TMEM117: variants seen among roughly 807,000 people sequenced by gnomAD.
TMEM117 encodes the protein transmembrane protein 117.
TMEM117 carries 27 observed loss-of-function variants against 52.4 expected under a neutral mutation model. The ratio of observed to expected loss-of-function variants is 0.51; its 90% CI spans 0.38 to 0.71. The LOEUF (loss-of-function observed/expected upper bound fraction) is 0.71. Ranked by LOEUF, TMEM117 falls within the 30% of genes least tolerant of loss-of-function variation. The probability of loss-of-function intolerance (pLI) is 0.00; values close to 1 mark genes in which losing one functional copy is unlikely to be tolerated. For missense variants in TMEM117, 556 were observed against 630.5 expected (o/e 0.88, Z 1.26); for synonymous variants, 215 against 206.3 (o/e 1.04, Z -0.36).
chr12:43,935,406 A>G (rs1944935368), intron 2 of TMEM117, among the ~76,000 whole-genome samples: 3 of 152,230 alleles, frequency 2.0e-5, no homozygotes, highest in Admixed American at 1.3e-4. Context: ...TCTTCCAGCC[A>G]TAAGAAATAG....
the TMEM117 span, among the ~76,000 whole-genome samples, chr12:43,817,586 C>G: frequency 6.6e-6 from 1 of 152,136 alleles, no homozygotes; most frequent in Non-Finnish European, 1.5e-5. Context: ...GGAACTACAT[C>G]ATTCCTTTGA....
intron 6 of TMEM117, among the ~76,000 whole-genome samples, chr12:44,344,627 A>G (rs947206425): frequency 6.6e-6 from 1 of 152,072 alleles, no homozygotes; most frequent in African/African-American, 2.4e-5. Flanking sequence ...GGGTGGAGAT[A>G]CTATTTGGGA....
downstream of TMEM117, among the ~76,000 whole-genome samples, chr12:44,392,392 A>G (rs1384794683): frequency 2.0e-5 from 3 of 152,176 alleles, no homozygotes; most frequent in East Asian, 5.8e-4. Context: ...GAACTTTACC[A>G]TAAAATTCTC....
intron 2 of TMEM117, among the ~76,000 whole-genome samples, chr12:43,932,581 A>G (rs1375424983): frequency 6.6e-6 from 1 of 152,182 alleles, no homozygotes; most frequent in East Asian, 1.9e-4. Flanking sequence ...CTCTGCCTTC[A>G]AACTGTTGTG....
intron 3 of TMEM117, among the ~76,000 whole-genome samples, chr12:44,099,229 C>CT (rs1407796024): frequency 6.6e-6 from 1 of 151,856 alleles, no homozygotes; most frequent in Non-Finnish European, 1.5e-5. Context: ...CAACCTCAGC[C>CT]TTTTCTTGGT....
At chr12:44,063,880 C>T (rs1399003149) in intron 3 of TMEM117, among the ~76,000 whole-genome samples, 2 of 151,928 alleles carry the variant, frequency 1.3e-5, no homozygotes, top group Non-Finnish European at 2.9e-5. Flanking sequence ...GGGCAACCAG[C>T]GAAGGAGCTG....
At chr12:43,983,694 A>G (rs1313119751) in intron 3 of TMEM117, among the ~76,000 whole-genome samples, 2 of 151,576 alleles carry the variant, frequency 1.3e-5, no homozygotes, top group African/African-American at 4.8e-5. Context: ...ATTAATCTAC[A>G]TTGAGAACTT....
At chr12:44,204,051 TGCTGGAATTTGCTGGAATTC>T (rs1419415579) in intron 4 of TMEM117, among the ~76,000 whole-genome samples, 152,110 of 152,110 alleles carry the variant, frequency 1, 76,055 homozygotes, top group Non-Finnish European at 1. Flanking sequence ...TTCAAAATAG[TGCTGGAATTTGCTGGAATTC>T]GCTGGAATTC....
In TMEM117 at chr12:43,924,136, C is replaced by A. The variant is rs187438734; in HGVS notation, c.278-20074C>A. 7.2e-5 allele frequency among the ~76,000 whole-genome samples: 11 copies of A among 152,240 alleles called. No homozygotes were observed. In the East Asian group the frequency reaches 1.9e-3, roughly 27 times the overall value. On this transcript the variant is annotated intron_variant, in intron 2 of 7. Coordinates refer to ENST00000266534, the MANE Select transcript of TMEM117 (RefSeq NM_032256.3). ...ATCTTAATGGGTTTTATATACTAAT[C>A]TCTTTTCTGTAAATACAGTTTCTTG...
chr12:44,331,453 G>T (rs538911738), intron 6 of TMEM117, among the ~76,000 whole-genome samples: 40 of 152,070 alleles, frequency 2.6e-4, no homozygotes, highest in African/African-American at 8.2e-4. Flanking sequence ...GCCCATGATG[G>T]TGTTTCTTGG....
intron 5 of TMEM117, among the ~76,000 whole-genome samples, chr12:44,230,661 C>T (rs1201094749): frequency 2.6e-5 from 4 of 152,004 alleles, no homozygotes; most frequent in Non-Finnish European, 2.9e-5. Flanking sequence ...TTGGTACTTC[C>T]CTATTTACAA....
At chr12:44,346,226 A>C (rs1223655799) in intron 6 of TMEM117, among the ~76,000 whole-genome samples, 1 of 152,126 alleles carries the variant, frequency 6.6e-6, no homozygotes, top group Non-Finnish European at 1.5e-5. Flanking sequence ...TATTTTGAAC[A>C]AAATGCTTGG....
At chr12:44,057,263 A>C (rs755361199) in intron 3 of TMEM117, among the ~76,000 whole-genome samples, 4 of 152,134 alleles carry the variant, frequency 2.6e-5, no homozygotes, top group African/African-American at 7.2e-5. Context: ...TTGATCACCT[A>C]CTATGTGTCA....
the TMEM117 span, among the ~76,000 whole-genome samples, chr12:43,808,376 G>A: frequency 1.3e-5 from 2 of 152,130 alleles, no homozygotes; most frequent in South Asian, 4.1e-4. Context: ...ACCCTGCTTG[G>A]CTTGTGTCAA....
Position 43,885,283 on chromosome 12 carries a change from A to T in TMEM117, c.277+40355A>T, listed in dbSNP as rs1269571177. Reference sequence around the variant, plus strand: ...GTAAGGACACTGTTTTGAGATCAGCATGCCCTGTGCCTGTGTAGGCTTGTT... The same window carrying T: ...GTAAGGACACTGTTTTGAGATCAGCTTGCCCTGTGCCTGTGTAGGCTTGTT... On this transcript the variant is annotated intron_variant, in intron 2 of 7. Transcript: ENST00000266534. 2.6e-5 allele frequency among the ~76,000 whole-genome samples: 4 copies of T among 152,284 alleles called. No individual in the cohort carries two copies. The South Asian group carries it at 8.3e-4, about 32-fold the overall frequency.
At chr12:44,321,646 G>A (rs1357253014) in intron 6 of TMEM117, among the ~76,000 whole-genome samples, 2 of 152,128 alleles carry the variant, frequency 1.3e-5, no homozygotes, top group African/African-American at 4.8e-5. Context: ...TGCAATCACA[G>A]ACTTTCACAT....
intron 3 of TMEM117, among the ~76,000 whole-genome samples, chr12:44,019,610 T>A (rs1347210823): frequency 6.6e-6 from 1 of 152,238 alleles, no homozygotes; most frequent in Non-Finnish European, 1.5e-5. Flanking sequence ...TATTTCAAGT[T>A]TTATGTAATG....
chr12:43,926,595 G>A (rs1944782243), intron 2 of TMEM117, among the ~76,000 whole-genome samples: 1 of 152,140 alleles, frequency 6.6e-6, no homozygotes, highest in African/African-American at 2.4e-5. Context: ...TTACTTGAAT[G>A]TTTGTGAAAG....
intron 2 of TMEM117, among the ~76,000 whole-genome samples, chr12:43,901,123 A>G (rs1944297271): frequency 6.6e-6 from 1 of 152,214 alleles, no homozygotes; most frequent in Non-Finnish European, 1.5e-5. Context: ...AGACTCCTAG[A>G]AAGAGAATTA....
Sources: gnomAD v4.1 joint callset for allele counts (sites outside exome capture counted in the v4.1 genomes callset) on GRCh38, gnomAD v4.1.1 for gene constraint, MANE v1.5 for transcripts, NCBI Gene and HGNC (gene_info 2026-07-23, HGNC 2026-07-21) for gene names.